TTN: variants seen among roughly 807,000 people sequenced by gnomAD.
TTN encodes the protein titin.
TTN carries 1,525 observed loss-of-function variants against 3,223.0 expected under a neutral mutation model. That is an observed-to-expected ratio of 0.47 (90% CI 0.45 to 0.49). The LOEUF (loss-of-function observed/expected upper bound fraction) is 0.49. TTN is among the 20% of genes least tolerant of loss of function. The pLI is 0.00. For synonymous variants in TTN, 14,094 were observed against 15,161.0 expected, an observed-to-expected ratio of 0.93 and a Z score of 5.17; for missense variants, 40,786 against 43,424.0, an observed-to-expected ratio of 0.94 and a Z score of 5.40.
At chr2:178,782,165 C>T (rs755988467) in intron 20 of TTN, 47 bp downstream of exon 20, 80 of 1,604,354 alleles carry the variant, frequency 5.0e-5, no homozygotes, top group East Asian at 1.1e-4. Flanking sequence ...GCTTCATGCA[C>T]GTATTATACA....
intron 156 of TTN, 60 bp from the exon 157 acceptor site, chr2:178,670,355 G>T: frequency 1.0e-6 from 1 of 984,182 alleles, no homozygotes; most frequent in Non-Finnish European, 1.4e-6. Flanking sequence ...TTAACAAGCA[G>T]AGCATGAGAG....
intron 47 of TTN, chr2:178,750,370 A>G: frequency 6.2e-7 from 1 of 1,613,150 alleles, no homozygotes; most frequent in East Asian, 2.2e-5. Flanking sequence ...TAGAACCTTC[A>G]TTCTGATGAT....
chr2:178,576,746 A>G lies in TTN; in HGVS notation c.69498T>C (p.Asp23166=), dbSNP rs753545340. ...ATVSWKRPVD[D]GGSEITGYHV... ...GATATCCTGTAATTTCGCTGCCACCATCATCCACTGGCCTTTTCCAGCTGA... is the reference window on the plus strand; with the variant it reads ...GATATCCTGTAATTTCGCTGCCACCGTCATCCACTGGCCTTTTCCAGCTGA... The change falls in exon 325 of 363, where the codon GAT becomes GAC. Residue 23166 remains aspartate, a synonymous_variant. Coordinates refer to ENST00000589042, the MANE Select transcript of TTN (RefSeq NM_001267550.2). The surrounding 1 kb of genome is among the most constrained non-coding windows in gnomAD (Gnocchi z 4.3). 1.9e-6 allele frequency: 3 copies of G among 1,613,464 alleles called. No individual in the cohort carries two copies. The South Asian group carries it at 3.3e-5, about 18-fold the overall frequency.
At position 178,632,588 on chromosome 2, in the gene TTN, T is replaced by C; in HGVS notation, c.43418A>G (p.Asp14473Gly). The change falls in exon 235 of 363, where the codon GAT (aspartate) becomes GGT (glycine). Residue 14473 changes from aspartate (D) to glycine (G), a missense_variant. By Grantham distance (94) the Asp-to-Gly change is moderately conservative. Coordinates refer to ENST00000589042, the MANE Select transcript of TTN (RefSeq NM_001267550.2). ...SMVIKSAAFE[D>G]EAKYMFEAED... Reference sequence around the variant, plus strand: ...AGCTTCAAACATGTATTTTGCTTCATCTTCAAAAGCAGCTGACTTGATCAC... The same window carrying C: ...AGCTTCAAACATGTATTTTGCTTCACCTTCAAAAGCAGCTGACTTGATCAC... 4 of 1,613,448 alleles carry C rather than the reference T, an allele frequency of 2.5e-6. No homozygotes were observed. The highest frequency in any genetic ancestry group is 3.4e-6 in the Non-Finnish European group (4 of 1,179,584).
chr2:178,779,098 G>T lies in TTN; in HGVS notation c.3984C>A (p.Gly1328=), dbSNP rs72647872. Residue 1328 remains glycine, a synonymous_variant, in exon 24 of 363, where the codon GGC becomes GGA. Coordinates refer to ENST00000589042, the MANE Select transcript of TTN (RefSeq NM_001267550.2). ...ATCTTTCTCCATGTTTGATGCGCTT[G>T]CCATCTTTGTACCAAGCAATCTGCA... ...PLPKIAWYKD[G]KRIKHGERYQ... 6 of 1,613,848 alleles carry T rather than the reference G, an allele frequency of 3.7e-6. No homozygotes were observed. Among genetic ancestry groups the T allele is most frequent in the Non-Finnish European group, 5.1e-6 (6 of 1,179,952 alleles).
rs375640847 is a variant in TTN, at chr2:178,544,004, G to A, written c.96140C>T (p.Thr32047Met). ...AAGGTCAATGCCCTGCTTGCTCCACGTTATGACAGGAGGTGGTCTTCCAGA... is the reference window on the plus strand; with the variant it reads ...AAGGTCAATGCCCTGCTTGCTCCACATTATGACAGGAGGTGGTCTTCCAGA... ...SVSGRPPPVI[T>M]WSKQGIDLAS... Residue 32047 changes from threonine (T) to methionine (M), a missense_variant, in exon 346 of 363, where the codon ACG becomes ATG. Transcript: ENST00000589042. 3.4e-5 allele frequency: 55 copies of A among 1,613,606 alleles called. No individual in the cohort carries two copies. The highest frequency in any genetic ancestry group is 8.8e-5 in the South Asian group (8 of 91,070).
rs544119586 is a variant in TTN, at chr2:178,794,585, TA to T, written c.1246-35del. 5.9e-5 allele frequency: 96 copies of T among 1,613,762 alleles called. 1 individual carries two copies. In the Middle Eastern group the frequency reaches 8.2e-4, roughly 14 times the overall value. On this transcript the variant is annotated intron_variant, in intron 7 of 362. Transcript: ENST00000589042. ...GAAATGACCAAGTAGATTACTTTTT[TA>T]AATGACATGCCCAGTAGAAAATAAA...
chr2:178,599,674 C>T lies in TTN; in HGVS notation c.56227G>A (p.Val18743Ile), dbSNP rs1412927935. The T allele has an allele frequency of 1.9e-6, 3 of 1,613,064 alleles. No homozygotes were observed. In the Admixed American group the frequency reaches 5.0e-5, roughly 27 times the overall value. ...ATAACTAAAGTGCAAGTATCATCTA[C>T]CACCAGTTTGTTGACATGGGTGTCA... ...LYDTHVNKLV[V>I]DDTCTLVIPQ... The change falls in exon 289 of 363, where the codon GTA becomes ATA. Residue 18743 changes from valine (V) to isoleucine (I), a missense_variant. Transcript: ENST00000589042.
At position 178,727,438 on chromosome 2, in the gene TTN, T is replaced by A. The variant is rs376699689; in HGVS notation, c.19994-67A>T. ...AAATAACAATAGTTAAATTAGATAG[T>A]ATACAGGCAAGAGAAAAACATGAGC... On this transcript the variant is annotated intron_variant, in intron 68 of 362. Coordinates refer to ENST00000589042, the MANE Select transcript of TTN (RefSeq NM_001267550.2). 6 of 1,509,604 alleles carry A rather than the reference T, an allele frequency of 4.0e-6. No homozygotes were observed. The South Asian group carries it at 8.3e-5, about 21-fold the overall frequency. 93.5% of individuals were successfully genotyped at this position (1,509,604 alleles called of 1,614,324 possible).
At position 178,728,163 on chromosome 2, in the gene TTN, T is replaced by C. The variant is rs2079687407; in HGVS notation, c.19661A>G (p.Lys6554Arg). Reference sequence around the variant, plus strand: ...ATCATCTCCTGCTACATTTGACACTTTGCATGTGTAATTTGCAGTATCTTC... The same window carrying C: ...ATCATCTCCTGCTACATTTGACACTCTGCATGTGTAATTTGCAGTATCTTC... ...ELEDTANYTC[K>R]VSNVAGDDAC... Residue 6554 changes from lysine (K) to arginine (R), a missense_variant, in exon 67 of 363, where the codon AAA becomes AGA. Lys to Arg is a conservative substitution (Grantham distance 26). Transcript: ENST00000589042. The C allele has an allele frequency of 1.9e-6, 3 of 1,610,114 alleles. No homozygotes were observed. The highest frequency in any genetic ancestry group is 1.1e-5 in the South Asian group (1 of 90,524).
In TTN at chr2:178,589,460, C is replaced by T; in HGVS notation, c.62265G>A (p.Val20755=). The change falls in exon 304 of 363, where the codon GTG becomes GTA. Residue 20755 remains valine, a synonymous_variant. Transcript: ENST00000589042. The part of the protein sequence containing the change: ...TKNEGGESDW[V]KTEEVVVKED... ...CTTTCACAACAACTTCCTCTGTCTT[C>T]ACCCAGTCACTTTCCCCACCTTCAT... 1.2e-6 allele frequency: 2 copies of T among 1,613,406 alleles called. No individual in the cohort carries two copies. Among genetic ancestry groups the T allele is most frequent in the Non-Finnish European group, 1.7e-6 (2 of 1,179,618 alleles).
Position 178,757,697 on chromosome 2 carries a change from G to A in TTN, c.10523C>T (p.Thr3508Ile), listed in dbSNP as rs397517823. The A allele has an allele frequency of 9.3e-6, 15 of 1,613,680 alleles. 1 individual carries two copies. Among genetic ancestry groups the A allele is most frequent in the African/African-American group, 6.7e-5 (5 of 74,890 alleles). The change falls in exon 45 of 363, where the codon ACA (threonine) becomes ATA (isoleucine). Residue 3508 changes from threonine to isoleucine, a missense_variant. Coordinates refer to ENST00000589042, the MANE Select transcript of TTN (RefSeq NM_001267550.2). ...CTCAAAATGGAAAACTACATCTTTT[G>A]TTGGTAGAATTAGCTGCTGGTTATG... ...WFHNQQLILP[T>I]KDVVFHFEES...
rs980646911 is a variant in TTN, at chr2:178,786,206, G to T, written c.2077-65C>A. On this transcript the variant is annotated intron_variant, in intron 13 of 362. Coordinates refer to ENST00000589042, the MANE Select transcript of TTN (RefSeq NM_001267550.2). ...GAGATCAGGCTGGAATATCTCCTGG[G>T]CATCAGGACAGGCAGATGGCGTCCA... 6.4e-6 allele frequency: 10 copies of T among 1,558,914 alleles called. No individual in the cohort carries two copies. In the African/African-American group the frequency reaches 1.2e-4, roughly 19 times the overall value.
At position 178,568,608 on chromosome 2, in the gene TTN, T is replaced by C. The variant is rs759436335; in HGVS notation, c.77524A>G (p.Thr25842Ala). ...AGTGAATCGGTAACATTGATTCTTG[T>C]GGTCTGCTTCAGTGGGAGACCATCT... ...TKDGLPLKQTTRINVTDSLDL... is the reference protein window; with the variant it reads ...TKDGLPLKQTARINVTDSLDL... Residue 25842 changes from threonine to alanine, a missense_variant, in exon 326 of 363, where the codon ACA (threonine) becomes GCA (alanine). Thr to Ala is a moderately conservative substitution (Grantham distance 58). Coordinates refer to ENST00000589042, the MANE Select transcript of TTN (RefSeq NM_001267550.2). 6.2e-7 allele frequency: 1 copy of C among 1,613,446 alleles called. No individual in the cohort carries two copies. The highest frequency in any genetic ancestry group is 1.1e-5 in the South Asian group (1 of 91,060).
Position 178,766,473 on chromosome 2 carries a change from C to A in TTN, c.9611G>T (p.Arg3204Leu). ...HKYVVERRIH[R>L]MFISETRQSD... Reference sequence around the variant, plus strand: ...CTGTCTGGTCTCAGAGATAAACATTCGGTGGATTCTTCTTTCCACTACATA... The same window carrying A: ...CTGTCTGGTCTCAGAGATAAACATTAGGTGGATTCTTCTTTCCACTACATA... Residue 3204 changes from arginine to leucine, a missense_variant, in exon 41 of 363, where the codon CGA becomes CTA. Physicochemically the swap from Arg to Leu is moderately radical, Grantham distance 102 (BLOSUM62 -2). Transcript: ENST00000589042. 1 of 1,614,098 alleles carries A rather than the reference C, an allele frequency of 6.2e-7. No individual in the cohort carries two copies. Among genetic ancestry groups the A allele is most frequent in the Non-Finnish European group, 8.5e-7 (1 of 1,179,984 alleles).
chr2:178,712,404 C>T lies in TTN; in HGVS notation c.27518G>A (p.Ser9173Asn). 1 of 1,613,842 alleles carries T rather than the reference C, an allele frequency of 6.2e-7. No homozygotes were observed. The highest frequency in any genetic ancestry group is 8.5e-7 in the Non-Finnish European group (1 of 1,179,818). Residue 9173 changes from serine to asparagine, a missense_variant, in exon 95 of 363, where the codon AGT becomes AAT. By Grantham distance (46) the Ser-to-Asn change is conservative. Coordinates refer to ENST00000589042, the MANE Select transcript of TTN (RefSeq NM_001267550.2). The part of the protein sequence containing the change: ...TEKSAILEIP[S>N]STVEDAGQYN... Reference sequence around the variant, plus strand: ...TTGTCCTGCATCCTCTACTGTGCTACTTGGAATTTCCAGGATTGCCGATTT... The same window carrying T: ...TTGTCCTGCATCCTCTACTGTGCTATTTGGAATTTCCAGGATTGCCGATTT...
Position 178,538,839 on chromosome 2 carries a change from T to A in TTN, c.98990A>T (p.Asp32997Val). The change falls in exon 354 of 363, where the codon GAT becomes GTT. Residue 32997 changes from aspartate to valine, a missense_variant and splice_region_variant. By Grantham distance (152) the Asp-to-Val change is radical. Coordinates refer to ENST00000589042, the MANE Select transcript of TTN (RefSeq NM_001267550.2). Reference protein sequence around the residue: ...SEPVVCKDPFDKPSQPGELEI... With the variant: ...SEPVVCKDPFVKPSQPGELEI... Reference sequence around the variant, plus strand: ...AAGTTCTCCTGGTTGGCTTGGTTTATCTGAAATATTTTAAAATAATGAAAA... The same window carrying A: ...AAGTTCTCCTGGTTGGCTTGGTTTAACTGAAATATTTTAAAATAATGAAAA... 1 of 1,598,490 alleles carries A rather than the reference T, an allele frequency of 6.3e-7. No individual in the cohort carries two copies. The highest frequency in any genetic ancestry group is 8.5e-7 in the Non-Finnish European group (1 of 1,172,490).
chr2:178,734,915 G>C lies in TTN; in HGVS notation c.15009C>G (p.Cys5003Trp). The change falls in exon 51 of 363, where the codon TGC becomes TGG. Residue 5003 changes from cysteine (C) to tryptophan (W), a missense_variant. Cys to Trp is a radical substitution (Grantham distance 215). Transcript: ENST00000589042. ...GGATCACAGGTGAGCCTTTCAGCTT[G>C]CAATGGAGGCGTGCTGATTCACCTG... ...MLPGESARLH[C>W]KLKGSPVIQV... 2 of 1,612,406 alleles carry C rather than the reference G, an allele frequency of 1.2e-6. No individual in the cohort carries two copies. Among genetic ancestry groups the C allele is most frequent in the East Asian group, 2.2e-5 (1 of 44,712 alleles).
At position 178,775,780 on chromosome 2, in the gene TTN, C is replaced by A. The variant is rs749502860; in HGVS notation, c.6084G>T (p.Glu2028Asp). 16 of 1,613,634 alleles carry A rather than the reference C, an allele frequency of 9.9e-6. No individual in the cohort carries two copies. The highest frequency in any genetic ancestry group is 1.4e-5 in the Non-Finnish European group (16 of 1,179,894). ...CATCTTTTGTCTTCCTGAGGAGTTC[C>A]TCATAGGATTCATCCTTCTTTCGAG... is the stretch of plus-strand genomic sequence containing the variant. ...LKSRKKDESY[E>D]ELLRKTKDEL... is the part of the protein sequence containing the mutation. The change falls in exon 28 of 363, where the codon GAG becomes GAT. Residue 2028 changes from glutamate (E) to aspartate (D), a missense_variant. Coordinates refer to ENST00000589042, the MANE Select transcript of TTN (RefSeq NM_001267550.2).
Sources: allele counts gnomAD v4.1 joint callset, GRCh38; gene constraint gnomAD v4.1.1; non-coding constraint Gnocchi (gnomAD v3.1); transcripts MANE v1.5; gene names NCBI Gene and HGNC (gene_info 2026-07-23, HGNC 2026-07-21).